Variants in KLF3 observed in about 807,000 individuals in gnomAD.
KLF3 encodes KLF transcription factor 3, also known as Krueppel-like factor 3.
Under a neutral mutation model 32.7 loss-of-function variants are expected in KLF3, and 6 were observed. The observed-to-expected ratio is 0.18, with a 90% CI of 0.10 to 0.36. KLF3 has a LOEUF of 0.36. KLF3 is among the 10% of genes least tolerant of loss of function. The pLI, the probability that KLF3 is intolerant of heterozygous loss-of-function variation, is 1.00. For synonymous variants in KLF3, 145 were observed against 172.8 expected (o/e 0.84, Z 1.26); for missense variants, 338 against 449.7 (o/e 0.75, Z 2.25).
At chr4:38,667,205 G>C (rs1464809219) in intron 1 of KLF3, among the ~76,000 whole-genome samples, 1 of 152,200 alleles carries the variant, frequency 6.6e-6, no homozygotes, top group East Asian at 1.9e-4. Flanking sequence ...TAGGGTCAGG[G>C]AGGGCCGGCT....
chr4:38,679,218 A>G (rs1316507517), intron 1 of KLF3, among the ~76,000 whole-genome samples: 2 of 152,252 alleles, frequency 1.3e-5, no homozygotes, highest in African/African-American at 4.8e-5. Flanking sequence ...TTAGAAAACA[A>G]TAAGAAGTGG....
At chr4:38,675,431 T>G (rs1722315429) in intron 1 of KLF3, among the ~76,000 whole-genome samples, 1 of 152,026 alleles carries the variant, frequency 6.6e-6, no homozygotes, top group Admixed American at 6.6e-5. Flanking sequence ...CTGGTATTGC[T>G]TAGTTTAGCA....
Position 38,688,527 on chromosome 4 carries a change from G to A in KLF3, c.58-58G>A, listed in dbSNP as rs1722768021. 2.7e-6 allele frequency: 4 copies of A among 1,501,840 alleles called. No homozygotes were observed. The highest frequency in any genetic ancestry group is 2.3e-5 in the East Asian group (1 of 43,884). The allele number at this position is 1,501,840 out of a possible 1,614,324, so 93.0% of individuals were successfully genotyped here. A position where few individuals can be genotyped will look rare whatever the true frequency, so the allele number is the denominator to read the frequency against. ...TGTTAGCATATTTTTCTTAATTCAT[G>A]TTTCAAGTAAATGGACTTATTTGGC... On this transcript the variant is annotated intron_variant, in intron 2 of 5. Transcript: ENST00000261438. This position sits in a 1 kb window ranked among gnomAD's most constrained non-coding sequence, Gnocchi z 4.9.
rs1383838432 is a variant in KLF3 at position 38,698,156 on chromosome 4, A to T, written c.*893A>T. 2.0e-5 allele frequency: 3 copies of T among 152,226 alleles called. No homozygotes were observed. The highest frequency in any genetic ancestry group is 7.2e-5 in the African/African-American group (3 of 41,456). The allele number at this position is 152,226 out of a possible 1,614,324, so 9.4% of individuals were successfully genotyped here. A position where few individuals can be genotyped will look rare whatever the true frequency, so the allele number is the denominator to read the frequency against. ...TACCGATGGGGTTATCCATGCAACT[A>T]TCTCCATTCCTACAATGTCCTTAAT... On this transcript the variant is annotated 3_prime_UTR_variant, in exon 6 of 6. Coordinates refer to ENST00000261438, the MANE Select transcript of KLF3 (RefSeq NM_016531.6).
rs189757488 is a variant in KLF3 at position 38,667,783 on chromosome 4, A to G, written c.-40+3322A>G. 2.7e-4 allele frequency among the ~76,000 whole-genome samples: 41 copies of G among 152,352 alleles called. No individual in the cohort carries two copies. The East Asian group carries it at 7.9e-3, about 29-fold the overall frequency. ...GCCCACCCTCGTTCACGTTTAACCC[A>G]GGCTGCTCCAGGTGGCTTCCGTGGA... is the stretch of plus-strand genomic sequence containing the variant. On this transcript the variant is annotated intron_variant, in intron 1 of 5. Transcript: ENST00000261438.
chr4:38,682,906 G>C (rs979075347), intron 2 of KLF3, among the ~76,000 whole-genome samples: 1 of 151,048 alleles, frequency 6.6e-6, no homozygotes, highest in Non-Finnish European at 1.5e-5. Flanking sequence ...TTAAAATGAA[G>C]GTGTTTTTTT....
intron 5 of KLF3, 146 bp from the exon 6 acceptor site, chr4:38,696,936 G>A (rs571531509): frequency 3.3e-6 from 2 of 613,632 alleles, no homozygotes; most frequent in Admixed American, 3.6e-5. Flanking sequence ...CTTCTTGCTT[G>A]TCTTGCAGTA....
intron 1 of KLF3, among the ~76,000 whole-genome samples, chr4:38,676,956 G>GT (rs34392158): frequency 0.047 from 4,905 of 105,404 alleles, 170 homozygotes; most frequent in Non-Finnish European, 0.068. Flanking sequence ...GTGCCAGTGT[G>GT]TTTTTTTTTT....
chr4:38,691,507 G>A (rs552158470), intron 4 of KLF3, among the ~76,000 whole-genome samples: 2 of 152,196 alleles, frequency 1.3e-5, no homozygotes, highest in African/African-American at 4.8e-5. Flanking sequence ...GGAGGGATCC[G>A]TTGACTGGAC....
chr4:38,696,933 C>A, intron 5 of KLF3, 149 bp from the exon 6 acceptor site: 1 of 604,674 alleles, frequency 1.7e-6, no homozygotes, highest in Non-Finnish European at 2.7e-6. Context: ...TTTCTTCTTG[C>A]TTGTCTTGCA....
At position 38,671,309 on chromosome 4, in the gene KLF3, C is replaced by A. The variant is rs2109238190; in HGVS notation, c.-40+6848C>A. ...GTTATTATGAGGATTTCCGTATTTACTTGGGTCAAGCTGCCAATTTTTCTC... is the reference window on the plus strand; with the variant it reads ...GTTATTATGAGGATTTCCGTATTTAATTGGGTCAAGCTGCCAATTTTTCTC... On this transcript the variant is annotated intron_variant, in intron 1 of 5. Coordinates refer to ENST00000261438, the MANE Select transcript of KLF3 (RefSeq NM_016531.6). The surrounding 1 kb of genome is among the most constrained non-coding windows in gnomAD (Gnocchi z 4.4). 6.6e-6 allele frequency among the ~76,000 whole-genome samples: 1 copy of A among 152,342 alleles called. No individual in the cohort carries two copies. Among genetic ancestry groups the A allele is most frequent in the South Asian group, 2.1e-4 (1 of 4,826 alleles).
intron 2 of KLF3, among the ~76,000 whole-genome samples, chr4:38,684,954 A>G (rs1560417406): frequency 6.6e-6 from 1 of 152,200 alleles, no homozygotes; most frequent in Non-Finnish European, 1.5e-5. Flanking sequence ...GCTCTGTTCC[A>G]GGACACAGGG....
rs1298303490 is a variant in KLF3, at chr4:38,700,092, A to G, written c.*2829A>G. ...TCATCCTAGAGAAGTCAGAAGAATC[A>G]GAATCCATCGTATTTTAGAGTTATG... On this transcript the variant is annotated 3_prime_UTR_variant, in exon 6 of 6. Coordinates refer to ENST00000261438, the MANE Select transcript of KLF3 (RefSeq NM_016531.6). 6.6e-6 allele frequency: 1 copy of G among 152,232 alleles called. No homozygotes were observed. The highest frequency in any genetic ancestry group is 1.5e-5 in the Non-Finnish European group (1 of 68,040). 9.4% of individuals were successfully genotyped at this position (152,232 alleles called of 1,614,324 possible). A position where few individuals can be genotyped will look rare whatever the true frequency, so the allele number is the denominator to read the frequency against.
intron 4 of KLF3, among the ~76,000 whole-genome samples, chr4:38,692,806 A>T (rs1722911985): frequency 6.6e-6 from 1 of 152,174 alleles, no homozygotes; most frequent in South Asian, 2.1e-4. Flanking sequence ...TCTGAAAAAG[A>T]TAGTCTCCCA....
At chr4:38,667,845 T>A (rs1269653218) in intron 1 of KLF3, among the ~76,000 whole-genome samples, 1 of 152,230 alleles carries the variant, frequency 6.6e-6, no homozygotes, top group African/African-American at 2.4e-5. Flanking sequence ...CTGGCTTTAG[T>A]TTAAGTCTTG....
intron 4 of KLF3, among the ~76,000 whole-genome samples, chr4:38,693,342 G>GT (rs905339196): frequency 2.8e-5 from 4 of 143,856 alleles, no homozygotes; most frequent in South Asian, 2.2e-4. Flanking sequence ...AATAAATAAT[G>GT]TTTTTTTTAA....
rs1002655299 is a variant in KLF3, at chr4:38,674,681, C to G, written c.-39-5906C>G. Reference sequence around the variant, plus strand: ...GGTTGGGGAAGATAATGCAGGCACCCTTTGAGGATCTGTGGGAAGAAATGA... The same window carrying G: ...GGTTGGGGAAGATAATGCAGGCACCGTTTGAGGATCTGTGGGAAGAAATGA... On this transcript the variant is annotated intron_variant, in intron 1 of 5. Coordinates refer to ENST00000261438, the MANE Select transcript of KLF3 (RefSeq NM_016531.6). This position sits in a 1 kb window ranked among gnomAD's most constrained non-coding sequence, Gnocchi z 4.1. 6.6e-6 allele frequency among the ~76,000 whole-genome samples: 1 copy of G among 151,874 alleles called. No individual in the cohort carries two copies. The highest frequency in any genetic ancestry group is 2.4e-5 in the African/African-American group (1 of 41,306).
At chr4:38,687,842 C>A (rs1722748108) in intron 2 of KLF3, among the ~76,000 whole-genome samples, 1 of 152,118 alleles carries the variant, frequency 6.6e-6, no homozygotes, top group South Asian at 2.1e-4. Flanking sequence ...GCCTTCAGTA[C>A]AAAGGTGTGT....
chr4:38,688,818 G>A lies in KLF3; in HGVS notation c.291G>A (p.Met97Ile), dbSNP rs1350078258. ...GGAGAGCCTCGCCTGGGTTGAGCAT[G>A]CCTTCTTCCAGCCCACCGATAAAAA... ...SHRRASPGLSMPSSSPPIKKY... is the reference protein window; with the variant it reads ...SHRRASPGLSIPSSSPPIKKY... The change falls in exon 3 of 6, where the codon ATG (methionine) becomes ATA (isoleucine). Residue 97 changes from methionine (M) to isoleucine (I), a missense_variant. Transcript: ENST00000261438. This position sits in a 1 kb window ranked among gnomAD's most constrained non-coding sequence, Gnocchi z 4.9. 1.2e-6 allele frequency: 2 copies of A among 1,614,192 alleles called. No individual in the cohort carries two copies. The highest frequency in any genetic ancestry group is 2.2e-5 in the East Asian group (1 of 44,880).
Sources: gnomAD v4.1 joint callset for allele counts (sites outside exome capture counted in the v4.1 genomes callset) on GRCh38, gnomAD v4.1.1 for gene constraint, Gnocchi (gnomAD v3.1) non-coding constraint, MANE v1.5 for transcripts, NCBI Gene and HGNC (gene_info 2026-07-23, HGNC 2026-07-21) for gene names.